Variants in COP1 observed in about 807,000 individuals in gnomAD.
COP1 encodes E3 ubiquitin-protein ligase COP1.
A neutral mutation model predicts 101.3 loss-of-function variants in COP1; 24 were observed. That is an observed-to-expected ratio of 0.24 (90% confidence interval 0.17 to 0.33). The LOEUF is 0.33. COP1 is among the 10% of genes least tolerant of loss of function. COP1 has a pLI of 1.00. For missense variants in COP1, 663 were observed against 906.2 expected, an observed-to-expected ratio of 0.73 and a Z score of 3.45; for synonymous variants, 347 against 341.9, an observed-to-expected ratio of 1.01 and a Z score of -0.17.
intron 9 of COP1, among the ~76,000 whole-genome samples, chr1:176,114,964 G>T (rs1456105949): frequency 6.6e-6 from 1 of 152,016 alleles, no homozygotes; most frequent in East Asian, 1.9e-4. Flanking sequence ...AAACATATGT[G>T]GGTACCTTAC....
At chr1:176,068,199 T>G (rs530690470) in intron 11 of COP1, among the ~76,000 whole-genome samples, 5 of 152,314 alleles carry the variant, frequency 3.3e-5, no homozygotes, top group African/African-American at 9.6e-5. Flanking sequence ...TTATTAGAAA[T>G]GTCTTCCTTC....
At chr1:175,951,861 G>C (rs1378345013) in intron 18 of COP1, among the ~76,000 whole-genome samples, 1 of 128,314 alleles carries the variant, frequency 7.8e-6, no homozygotes, top group Non-Finnish European at 1.7e-5. Context: ...AAAGAAGGAA[G>C]AGAAAAAAAT....
chr1:176,037,878 A>AAT (rs1669850427), intron 14 of COP1, among the ~76,000 whole-genome samples: 3 of 152,232 alleles, frequency 2.0e-5, no homozygotes, highest in Non-Finnish European at 4.4e-5. Flanking sequence ...ATCAGGAACA[A>AAT]AGCAAGAAAG....
chr1:175,994,787 A>T (rs556152980), intron 15 of COP1, among the ~76,000 whole-genome samples: 4 of 152,044 alleles, frequency 2.6e-5, no homozygotes, highest in South Asian at 2.1e-4. Context: ...CTCCCACACA[A>T]TAATAATGGG....
At chr1:175,978,873 T>C (rs1424586623) in intron 18 of COP1, among the ~76,000 whole-genome samples, 2 of 152,144 alleles carry the variant, frequency 1.3e-5, no homozygotes, top group Non-Finnish European at 1.5e-5. Context: ...CCTTTATAAG[T>C]GTGGAAAGTT....
At chr1:176,173,594 C>T (rs895328467) in intron 3 of COP1, among the ~76,000 whole-genome samples, 2 of 150,712 alleles carry the variant, frequency 1.3e-5, no homozygotes, top group African/African-American at 2.4e-5. Context: ...GAGCCATGAT[C>T]GCACTACTGC....
In COP1 at chr1:175,987,678, G is replaced by T. The variant is rs548416508; in HGVS notation, c.1973-575C>A. Among the ~76,000 whole-genome samples, 5 of 152,272 alleles carry T rather than the reference G, an allele frequency of 3.3e-5. No homozygotes were observed. The South Asian group carries it at 1.0e-3, about 32-fold the overall frequency. ...ATTGTTCCAGATATTTGCTTTGGCA[G>T]TCTCATACATATGTGGAGAAAGTCA... On this transcript the variant is annotated intron_variant, in intron 17 of 19. Transcript: ENST00000367669.
intron 8 of COP1, among the ~76,000 whole-genome samples, chr1:176,129,620 G>T (rs1688589386): frequency 6.6e-6 from 1 of 151,704 alleles, no homozygotes; most frequent in South Asian, 2.1e-4. Context: ...CAACTATCTG[G>T]ATCTTATAAA....
At chr1:176,009,681 T>C in intron 15 of COP1, among the ~76,000 whole-genome samples, 1 of 152,182 alleles carries the variant, frequency 6.6e-6, no homozygotes, top group Admixed American at 6.5e-5. Context: ...TACCAGTTAA[T>C]CCGATTATTG....
intron 5 of COP1, among the ~76,000 whole-genome samples, chr1:176,151,550 C>T (rs955371347): frequency 1.3e-5 from 2 of 152,104 alleles, no homozygotes; most frequent in Admixed American, 6.5e-5. Flanking sequence ...AAATATGCTT[C>T]GAGTTTTTAT....
chr1:175,946,477 T>C (rs1215478627), intron 19 of COP1, among the ~76,000 whole-genome samples: 1 of 152,204 alleles, frequency 6.6e-6, no homozygotes, highest in East Asian at 1.9e-4. Context: ...TTTCAATATT[T>C]CTACCAAATC....
chr1:176,124,711 A>T (rs1687732809), intron 8 of COP1, among the ~76,000 whole-genome samples: 1 of 152,180 alleles, frequency 6.6e-6, no homozygotes, highest in East Asian at 1.9e-4. Context: ...GGCTATTGTG[A>T]ACAGTGCTGC....
At chr1:176,137,958 G>A (rs1690069928) in intron 6 of COP1, among the ~76,000 whole-genome samples, 1 of 152,106 alleles carries the variant, frequency 6.6e-6, no homozygotes, top group Non-Finnish European at 1.5e-5. Context: ...AAAGCCAATA[G>A]TTGAAATATC....
At chr1:176,046,345 AT>A in intron 11 of COP1, 21 bp from the exon 12 acceptor site, 1 of 1,597,966 alleles carries the variant, frequency 6.3e-7, no homozygotes. Context: ...AAAGTATGTA[AT>A]GACAACATTT....
At chr1:176,180,187 C>T (rs928225414) in intron 2 of COP1, among the ~76,000 whole-genome samples, 1 of 152,116 alleles carries the variant, frequency 6.6e-6, no homozygotes, top group African/African-American at 2.4e-5. Flanking sequence ...CCTCTGTACC[C>T]TTAATGTTTA....
At chr1:176,146,246 G>C (rs1303375877) in intron 6 of COP1, among the ~76,000 whole-genome samples, 1 of 152,112 alleles carries the variant, frequency 6.6e-6, no homozygotes, top group African/African-American at 2.4e-5. Context: ...ACACCCTTTT[G>C]TTTAATCTGA....
chr1:176,108,135 T>C (rs1684647663), intron 9 of COP1, among the ~76,000 whole-genome samples: 1 of 152,146 alleles, frequency 6.6e-6, no homozygotes, highest in African/African-American at 2.4e-5. Context: ...GATACATCAA[T>C]TTTTTAATTT....
chr1:176,202,274 C>G (rs1700342912), intron 1 of COP1, among the ~76,000 whole-genome samples: 1 of 150,210 alleles, frequency 6.7e-6, no homozygotes, highest in South Asian at 2.1e-4. Context: ...CCTGCAGCCT[C>G]GACCTCACAG....
chr1:176,006,934 T>C (rs1663398462), intron 15 of COP1, among the ~76,000 whole-genome samples: 2 of 152,118 alleles, frequency 1.3e-5, no homozygotes, highest in Non-Finnish European at 2.9e-5. Flanking sequence ...GATAATATCC[T>C]GCAGAGTGTT....
Sources: allele counts gnomAD v4.1 joint callset (sites outside exome capture counted in the v4.1 genomes callset), GRCh38; gene constraint gnomAD v4.1.1; transcripts MANE v1.5; gene names NCBI Gene and HGNC (gene_info 2026-07-23, HGNC 2026-07-21).